CELF2: variants seen among roughly 807,000 people sequenced by gnomAD.
The protein encoded by CELF2 is CUGBP Elav-like family member 2, also known as CUG triplet repeat RNA-binding protein 2.
A neutral mutation model predicts 62.6 loss-of-function variants in CELF2; 8 were observed. The observed-to-expected ratio is 0.13, with a 90% CI of 0.07 to 0.23. The LOEUF (loss-of-function observed/expected upper bound fraction) is 0.23, where lower values mean the gene tolerates loss of function less well. Among genes scored for constraint, CELF2 ranks in the 10% least tolerant of loss-of-function variants. CELF2 has a pLI of 1.00. For synonymous variants in CELF2, 258 were observed against 250.0 expected, an observed-to-expected ratio of 1.03 and a Z score of -0.30; for missense variants, 333 against 671.0, an observed-to-expected ratio of 0.50 and a Z score of 5.56.
Position 10,934,521 on chromosome 10 carries a change from A to C in CELF2, c.89+14522A>C, listed in dbSNP as rs2135262238. ...AAAACGAAATAGTTGATTACAGAAA[A>C]TATTGGGGAAAACTAATCAATATTA... is the stretch of plus-strand genomic sequence containing the variant. On this transcript the variant is annotated intron_variant, in intron 2 of 13. Transcript: ENST00000636488. The surrounding 1 kb of genome is among the most constrained non-coding windows in gnomAD (Gnocchi z 4.4). The C allele has an allele frequency of 6.6e-6, 1 of 152,368 alleles. No individual in the cohort carries two copies. Among genetic ancestry groups the C allele is most frequent in the Admixed American group, 6.5e-5 (1 of 15,308 alleles). The allele number at this position is 152,368 out of a possible 1,614,324, so 9.4% of individuals were successfully genotyped here. A position where few individuals can be genotyped will look rare whatever the true frequency, so the allele number is the denominator to read the frequency against.
chr10:10,691,926 G>A, the CELF2 span, among the ~76,000 whole-genome samples: 1 of 151,164 alleles, frequency 6.6e-6, no homozygotes, highest in Non-Finnish European at 1.5e-5. Context: ...CAGATGAGTA[G>A]GTTGCGAAAA....
chr10:10,985,486 C>A (rs972369800), intron 2 of CELF2, among the ~76,000 whole-genome samples: 6 of 152,052 alleles, frequency 3.9e-5, no homozygotes, highest in Non-Finnish European at 8.8e-5. Flanking sequence ...TGTAAGACAC[C>A]CAACACAGAC....
At position 11,270,192 on chromosome 10, in the gene CELF2, G is replaced by A. The variant is rs188541247; in HGVS notation, c.619-474G>A. On this transcript the variant is annotated intron_variant, in intron 6 of 12. Transcript: ENST00000633077. This position sits in a 1 kb window ranked among gnomAD's most constrained non-coding sequence, Gnocchi z 5.8. ...AGTTCACAGATACATAACTGAAAAC[G>A]GGAAAGAGTAAAAGATAAATGAATG... 5.8e-4 allele frequency among the ~76,000 whole-genome samples: 88 copies of A among 152,314 alleles called. No homozygotes were observed. Among genetic ancestry groups the A allele is most frequent in the East Asian group, 1.9e-3 (10 of 5,184 alleles).
At chr10:11,208,451 T>A (rs569086187) in intron 2 of CELF2, among the ~76,000 whole-genome samples, 1 of 152,316 alleles carries the variant, frequency 6.6e-6, no homozygotes, top group South Asian at 2.1e-4. Context: ...GTCAGCCATG[T>A]AGTAATGTGA....
rs1358796015 is a variant in CELF2, at chr10:11,079,740, A to AG, written c.74+61578dup. ...TAGCAGTGTGAGAATGGACTAATAC[A>AG]GCCCCCCCCCCCTTTTTAGGCCATG... is the stretch of plus-strand genomic sequence containing the variant. On this transcript the variant is annotated intron_variant, in intron 1 of 12. Transcript: ENST00000633077. 2.8e-3 allele frequency among the ~76,000 whole-genome samples: 219 copies of AG among 78,224 alleles called. 3 individuals carry two copies. Among genetic ancestry groups the AG allele is most frequent in the African/African-American group, 0.017 (204 of 12,208 alleles). The allele number at this position is 78,224 out of a possible 152,430, so 51.3% of individuals were successfully genotyped here. A position where few individuals can be genotyped will look rare whatever the true frequency, so the allele number is the denominator to read the frequency against.
chr10:11,203,405 T>TA (rs560156281), intron 2 of CELF2, among the ~76,000 whole-genome samples: 60 of 152,362 alleles, frequency 3.9e-4, no homozygotes, highest in African/African-American at 1.3e-3. Context: ...GACCATGTGT[T>TA]ACATTTTTTT....
At chr10:11,081,274 G>A (rs934271071) in intron 1 of CELF2, among the ~76,000 whole-genome samples, 1 of 152,048 alleles carries the variant, frequency 6.6e-6, no homozygotes, top group African/African-American at 2.4e-5. Flanking sequence ...TATTACCCAG[G>A]TTGGCAAAAA....
At chr10:11,051,608 G>A (rs1302162959) in intron 1 of CELF2, among the ~76,000 whole-genome samples, 2 of 152,184 alleles carry the variant, frequency 1.3e-5, no homozygotes, top group Non-Finnish European at 2.9e-5. Flanking sequence ...TTTCATAACA[G>A]ATACGGTGAC....
chr10:11,041,330 A>G (rs1354377369), intron 1 of CELF2, among the ~76,000 whole-genome samples: 9 of 152,194 alleles, frequency 5.9e-5, no homozygotes, highest in Non-Finnish European at 1.2e-4. Flanking sequence ...CAAGATGTAG[A>G]GTAAGATCCC....
chr10:10,546,643 C>T, the CELF2 span, among the ~76,000 whole-genome samples: 3 of 152,056 alleles, frequency 2.0e-5, no homozygotes, highest in African/African-American at 7.2e-5. Context: ...ACTCTCTGGT[C>T]AAGAGCACAA....
intron 1 of CELF2, among the ~76,000 whole-genome samples, chr10:10,866,940 G>C (rs1027421734): frequency 7.1e-6 from 1 of 139,890 alleles, no homozygotes; most frequent in Non-Finnish European, 1.6e-5. Flanking sequence ...AAAAAAAAAA[G>C]TGGGGTGAAA....
the CELF2 span, among the ~76,000 whole-genome samples, chr10:10,709,198 G>A: frequency 6.6e-6 from 1 of 152,270 alleles, no homozygotes; most frequent in African/African-American, 2.4e-5. Flanking sequence ...ATTGTTAATG[G>A]CTGCTATGAA....
intron 2 of CELF2, among the ~76,000 whole-genome samples, chr10:11,197,209 C>T (rs1311413360): frequency 6.6e-6 from 1 of 151,952 alleles, no homozygotes; most frequent in Non-Finnish European, 1.5e-5. Context: ...TCTGGTTGAA[C>T]GTGGTCAGTG....
At position 11,321,084 on chromosome 10, in the gene CELF2, A is replaced by T. The variant is rs1400456431; in HGVS notation, c.1097-105A>T. 2.3e-6 allele frequency: 3 copies of T among 1,322,302 alleles called. No individual in the cohort carries two copies. In the Admixed American group the frequency reaches 5.3e-5, roughly 23 times the overall value. The allele number at this position is 1,322,302 out of a possible 1,614,324, so 81.9% of individuals were successfully genotyped here. A position where few individuals can be genotyped will look rare whatever the true frequency, so the allele number is the denominator to read the frequency against. ...GTCAGTGTAATTGTGTGCTAGCTGC[A>T]TGTACTTGCTGTTGTACTGTGTTTA... On this transcript the variant is annotated intron_variant, in intron 10 of 12. Coordinates refer to ENST00000633077, the MANE Select transcript of CELF2 (RefSeq NM_001326342.2). This position sits in a 1 kb window ranked among gnomAD's most constrained non-coding sequence, Gnocchi z 6.2.
At position 11,329,115 on chromosome 10, in the gene CELF2, G is replaced by A. The variant is rs1018156142; in HGVS notation, c.*62G>A. On this transcript the variant is annotated 3_prime_UTR_variant, in exon 13 of 13. Transcript: ENST00000633077. This position sits in a 1 kb window ranked among gnomAD's most constrained non-coding sequence, Gnocchi z 5.5. ...TTCTTAGGGTAAGTCCCACGAGCCA[G>A]CCTGTCTCAACAGGGAAGGCAGAGG... The A allele has an allele frequency of 6.6e-7, 1 of 1,522,436 alleles. No individual in the cohort carries two copies. Among genetic ancestry groups the A allele is most frequent in the Non-Finnish European group, 8.9e-7 (1 of 1,123,392 alleles). 94.3% of individuals were successfully genotyped at this position (1,522,436 alleles called of 1,614,324 possible). A position where few individuals can be genotyped will look rare whatever the true frequency, so the allele number is the denominator to read the frequency against.
chr10:10,557,609 G>A, the CELF2 span, among the ~76,000 whole-genome samples: 1 of 151,842 alleles, frequency 6.6e-6, no homozygotes, highest in Non-Finnish European at 1.5e-5. Context: ...CATTGAATCT[G>A]TAAATTACCT....
chr10:10,728,593 G>A, the CELF2 span, among the ~76,000 whole-genome samples: 4 of 152,162 alleles, frequency 2.6e-5, no homozygotes, highest in East Asian at 7.7e-4. Flanking sequence ...CAGAGCTGAT[G>A]ATTATGGTTA....
chr10:11,313,547 G>A (rs1218540627), intron 9 of CELF2, among the ~76,000 whole-genome samples: 1 of 152,188 alleles, frequency 6.6e-6, no homozygotes, highest in Non-Finnish European at 1.5e-5. Flanking sequence ...ATTTATCAGG[G>A]AAATGTAATC....
chr10:10,989,751 T>C (rs537718772), intron 2 of CELF2, among the ~76,000 whole-genome samples: 1 of 152,212 alleles, frequency 6.6e-6, no homozygotes, highest in Non-Finnish European at 1.5e-5. Flanking sequence ...AAAAATCTTT[T>C]TTAGGAATTA....
Sources: gnomAD v4.1 joint callset for allele counts (sites outside exome capture counted in the v4.1 genomes callset) on GRCh38, gnomAD v4.1.1 for gene constraint, Gnocchi (gnomAD v3.1) non-coding constraint, MANE v1.5 for transcripts, NCBI Gene and HGNC (gene_info 2026-07-23, HGNC 2026-07-21) for gene names.